CTNND2: variants seen among roughly 807,000 people sequenced by gnomAD.
The protein encoded by CTNND2 is catenin delta-2.
CTNND2 carries 22 observed loss-of-function variants against 144.4 expected under a neutral mutation model. The ratio of observed to expected loss-of-function variants is 0.15; its 90% CI spans 0.11 to 0.22. The LOEUF is 0.22. CTNND2 is among the 10% of genes least tolerant of loss of function. The pLI is 1.00. For missense variants in CTNND2, 1,353 were observed against 1,618.8 expected (o/e 0.84, Z 2.82); for synonymous variants, 751 against 695.6 (o/e 1.08, Z -1.25).
intron 1 of CTNND2, among the ~76,000 whole-genome samples, chr5:11,877,875 A>G (rs1191289456): frequency 6.6e-6 from 1 of 152,182 alleles, no homozygotes; most frequent in African/African-American, 2.4e-5. Context: ...ACAATTTCAA[A>G]TTATTAACAT....
At chr5:11,256,017 T>C (rs748291579) in intron 9 of CTNND2, among the ~76,000 whole-genome samples, 9 of 152,216 alleles carry the variant, frequency 5.9e-5, no homozygotes, top group Non-Finnish European at 8.8e-5. Flanking sequence ...AGAACAGCCC[T>C]GCGTTCCGGC....
At chr5:11,561,364 A>G (rs190305120) in intron 3 of CTNND2, among the ~76,000 whole-genome samples, 1 of 152,244 alleles carries the variant, frequency 6.6e-6, no homozygotes, top group Admixed American at 6.5e-5. Flanking sequence ...TGGGTGAGGA[A>G]AGCCAAGACA....
At chr5:11,199,729 T>G in intron 10 of CTNND2, 68 bp from the exon 11 acceptor site, 1 of 1,178,190 alleles carries the variant, frequency 8.5e-7, no homozygotes, top group Non-Finnish European at 1.3e-6. Context: ...CAAAACATGT[T>G]TTTCATATAA....
intron 2 of CTNND2, among the ~76,000 whole-genome samples, chr5:11,685,021 C>T (rs1030863013): frequency 2.0e-5 from 3 of 152,210 alleles, no homozygotes; most frequent in Non-Finnish European, 4.4e-5. Flanking sequence ...TAACCTTCAT[C>T]TTATTCATAG....
chr5:11,429,958 A>G (rs1763131513), intron 3 of CTNND2, among the ~76,000 whole-genome samples: 1 of 152,100 alleles, frequency 6.6e-6, no homozygotes, highest in African/African-American at 2.4e-5. Flanking sequence ...TTTCACTACT[A>G]GAAAATAAAG....
chr5:11,319,130 C>G (rs1187580254), intron 9 of CTNND2, among the ~76,000 whole-genome samples: 2 of 152,024 alleles, frequency 1.3e-5, no homozygotes, highest in Non-Finnish European at 2.9e-5. Flanking sequence ...AGTGGCACAC[C>G]TCTCATTCCC....
chr5:11,096,367 A>G (rs751397293), intron 15 of CTNND2, among the ~76,000 whole-genome samples: 33 of 152,006 alleles, frequency 2.2e-4, no homozygotes, highest in Middle Eastern at 3.4e-3. Flanking sequence ...CCCTGTTTCC[A>G]TGTGTTCTCA....
chr5:11,769,180 T>C (rs1469607589), intron 1 of CTNND2, among the ~76,000 whole-genome samples: 2 of 152,100 alleles, frequency 1.3e-5, no homozygotes, highest in Non-Finnish European at 2.9e-5. Flanking sequence ...CGGGACTACC[T>C]GCTCTATGCC....
chr5:11,799,298 C>G (rs906617945), intron 1 of CTNND2, among the ~76,000 whole-genome samples: 2 of 152,106 alleles, frequency 1.3e-5, no homozygotes, highest in African/African-American at 4.8e-5. Context: ...TTTTATGTCA[C>G]TGGTGATGTT....
intron 10 of CTNND2, among the ~76,000 whole-genome samples, chr5:11,226,934 T>A (rs555100940): frequency 6.6e-6 from 1 of 152,332 alleles, no homozygotes; most frequent in South Asian, 2.1e-4. Context: ...CATATCAATA[T>A]ATCAAGTACT....
chr5:11,129,641 C>T (rs58736669), intron 12 of CTNND2, among the ~76,000 whole-genome samples: 232 of 151,928 alleles, frequency 1.5e-3, no homozygotes, highest in African/African-American at 5.2e-3. Flanking sequence ...CCAGAAAAGT[C>T]CCCTGAAAAC....
At chr5:11,601,110 A>G (rs1041085660) in intron 2 of CTNND2, among the ~76,000 whole-genome samples, 4 of 152,210 alleles carry the variant, frequency 2.6e-5, no homozygotes, top group African/African-American at 9.6e-5. Context: ...CTCTGAATGT[A>G]TAACTAAGGA....
intron 12 of CTNND2, among the ~76,000 whole-genome samples, chr5:11,133,720 G>A (rs1296630645): frequency 6.6e-6 from 1 of 152,226 alleles, no homozygotes; most frequent in Non-Finnish European, 1.5e-5. Context: ...TTTCTGTAAA[G>A]AGAAGTACCA....
At chr5:11,567,709 T>G (rs1465479593) in intron 2 of CTNND2, among the ~76,000 whole-genome samples, 3 of 152,226 alleles carry the variant, frequency 2.0e-5, no homozygotes, top group African/African-American at 7.2e-5. Flanking sequence ...GTATCATTCA[T>G]GACTTTATTT....
At chr5:11,496,508 T>C (rs1769954846) in intron 3 of CTNND2, among the ~76,000 whole-genome samples, 1 of 152,160 alleles carries the variant, frequency 6.6e-6, no homozygotes, top group Non-Finnish European at 1.5e-5. Context: ...ACTGGTTATA[T>C]TGCATTCCAT....
chr5:11,607,934 A>G (rs1581600188), intron 2 of CTNND2, among the ~76,000 whole-genome samples: 4 of 152,354 alleles, frequency 2.6e-5, no homozygotes, highest in Admixed American at 2.6e-4. Context: ...CAAGTTCATT[A>G]TCAACCATAA....
chr5:11,606,055 C>G (rs570757741), intron 2 of CTNND2, among the ~76,000 whole-genome samples: 19 of 152,022 alleles, frequency 1.2e-4, no homozygotes, highest in Non-Finnish European at 1.8e-4. Context: ...AGGCAAGAGA[C>G]GAGACAGAAT....
At position 11,275,303 on chromosome 5, in the gene CTNND2, C is replaced by A. The variant is rs1746416600; in HGVS notation, c.1629-38480G>T. Among the ~76,000 whole-genome samples the A allele has an allele frequency of 2.6e-5, 4 of 152,192 alleles. No homozygotes were observed. In the South Asian group the frequency reaches 6.2e-4, roughly 24 times the overall value. The stretch of plus-strand genomic sequence containing the variant: ...GCAGAGGCAGGATTCAAACCCAGAG[C>A]ATCTGGTGCCTCCTAATCCCTGCTC... On this transcript the variant is annotated intron_variant, in intron 9 of 21. Transcript: ENST00000304623.
intron 16 of CTNND2, among the ~76,000 whole-genome samples, chr5:11,073,777 C>G (rs2149616806): frequency 6.6e-6 from 1 of 152,240 alleles, no homozygotes; most frequent in East Asian, 1.9e-4. Flanking sequence ...AAGTTCCAGC[C>G]AAGGTACAGA....
Sources: gnomAD v4.1 joint callset for allele counts (sites outside exome capture counted in the v4.1 genomes callset) on GRCh38, gnomAD v4.1.1 for gene constraint, MANE v1.5 for transcripts, NCBI Gene and HGNC (gene_info 2026-07-23, HGNC 2026-07-21) for gene names.